PDE4D: variants seen among roughly 807,000 people sequenced by gnomAD.
PDE4D encodes phosphodiesterase 4D.
PDE4D carries 24 observed loss-of-function variants against 87.4 expected under a neutral mutation model. The ratio of observed to expected loss-of-function variants is 0.27; its 90% CI spans 0.20 to 0.39. The LOEUF (loss-of-function observed/expected upper bound fraction) is 0.39. Ranked by LOEUF, PDE4D falls within the 10% of genes least tolerant of loss-of-function variation. The probability of loss-of-function intolerance (pLI) is 1.00; values close to 1 mark genes in which losing one functional copy is unlikely to be tolerated. For missense variants in PDE4D, 714 were observed against 1,041.0 expected (o/e 0.69, Z 4.32); for synonymous variants, 384 against 383.2 (o/e 1.00, Z -0.02).
chr5:60,106,993 A>G (rs894653129), intron 2 of PDE4D, among the ~76,000 whole-genome samples: 2 of 152,106 alleles, frequency 1.3e-5, no homozygotes, highest in Non-Finnish European at 2.9e-5. Flanking sequence ...GCAGAAGGCA[A>G]GAAATAACTA....
At position 59,405,020 on chromosome 5, in the gene PDE4D, C is replaced by G. The variant is rs536086508; in HGVS notation, c.456-189052G>C. ...TTATTTGAAGTCAGGTAATATGATT[C>G]CTCCAGTTTTGTTCTTTTTGCTCAG... On this transcript the variant is annotated intron_variant, in intron 1 of 14. Transcript: ENST00000340635. 1.7e-4 allele frequency among the ~76,000 whole-genome samples: 26 copies of G among 152,244 alleles called. No homozygotes were observed. In the East Asian group the frequency reaches 5.0e-3, roughly 29 times the overall value.
intron 5 of PDE4D, among the ~76,000 whole-genome samples, chr5:59,048,344 T>TATC (rs1761033880): frequency 6.6e-6 from 1 of 152,262 alleles, no homozygotes; most frequent in Admixed American, 6.5e-5. Flanking sequence ...CATCATATAC[T>TATC]ATCAATCTTA....
chr5:60,142,340 C>A (rs1404027826), intron 2 of PDE4D, among the ~76,000 whole-genome samples: 2 of 152,120 alleles, frequency 1.3e-5, no homozygotes, highest in African/African-American at 4.8e-5. Flanking sequence ...ATACTCTTCA[C>A]AAGCAGTCTT....
chr5:59,597,891 T>A (rs2153705388), intron 1 of PDE4D, among the ~76,000 whole-genome samples: 1 of 152,302 alleles, frequency 6.6e-6, no homozygotes, highest in Admixed American at 6.5e-5. Flanking sequence ...TTTAACATTC[T>A]GACTCGAGGG....
At chr5:59,167,301 C>T (rs1451030245) in intron 5 of PDE4D, among the ~76,000 whole-genome samples, 1 of 152,108 alleles carries the variant, frequency 6.6e-6, no homozygotes, top group Non-Finnish European at 1.5e-5. Context: ...AAAACAAAAC[C>T]TACCAATGTT....
chr5:59,576,586 T>C (rs1042901168), intron 1 of PDE4D, among the ~76,000 whole-genome samples: 53 of 152,246 alleles, frequency 3.5e-4, no homozygotes, highest in African/African-American at 1.2e-3. Flanking sequence ...CCATGCTGGG[T>C]ATTGTGGTAT....
At chr5:59,579,159 T>C (rs1452558554) in intron 1 of PDE4D, among the ~76,000 whole-genome samples, 4 of 152,210 alleles carry the variant, frequency 2.6e-5, no homozygotes, top group Non-Finnish European at 4.4e-5. Context: ...GTCAGTTAAG[T>C]TGTTTCTCCT....
intron 5 of PDE4D, among the ~76,000 whole-genome samples, chr5:59,165,646 C>A (rs1338641732): frequency 2.0e-5 from 3 of 152,146 alleles, no homozygotes; most frequent in Non-Finnish European, 4.4e-5. Context: ...GTGCTTACTT[C>A]AAAAGTGAGG....
intron 5 of PDE4D, among the ~76,000 whole-genome samples, chr5:59,087,497 G>C (rs977266514): frequency 6.6e-6 from 1 of 151,782 alleles, no homozygotes; most frequent in Non-Finnish European, 1.5e-5. Context: ...AAATAAATAA[G>C]ACCACAAAGG....
chr5:59,799,040 G>A (rs1432351629), intron 1 of PDE4D, among the ~76,000 whole-genome samples: 1 of 152,118 alleles, frequency 6.6e-6, no homozygotes. Context: ...GAAATAGGGT[G>A]ACCCCAGTTG....
chr5:59,807,687 G>C (rs1767893668), intron 1 of PDE4D, among the ~76,000 whole-genome samples: 1 of 152,228 alleles, frequency 6.6e-6, no homozygotes, highest in Non-Finnish European at 1.5e-5. Flanking sequence ...TGAGGGAGCA[G>C]ATAGAACCGA....
intron 1 of PDE4D, among the ~76,000 whole-genome samples, chr5:60,371,730 G>T (rs868437243): frequency 2.0e-5 from 3 of 152,116 alleles, no homozygotes; most frequent in Admixed American, 1.3e-4. Flanking sequence ...CCAGAGCTCT[G>T]ATTCTAAGCT....
chr5:59,145,293 C>T (rs1178628304), intron 5 of PDE4D, among the ~76,000 whole-genome samples: 5 of 151,996 alleles, frequency 3.3e-5, no homozygotes, highest in Non-Finnish European at 7.4e-5. Flanking sequence ...GAAATTAAAC[C>T]CAGGCTGGCA....
chr5:59,145,874 C>T (rs1314868222), intron 5 of PDE4D, among the ~76,000 whole-genome samples: 1 of 152,136 alleles, frequency 6.6e-6, no homozygotes, highest in East Asian at 1.9e-4. Flanking sequence ...TGCCTGTAAT[C>T]CCAGCACTTT....
At chr5:59,707,504 GTTT>G (rs1391141455) in intron 1 of PDE4D, among the ~76,000 whole-genome samples, 1 of 152,006 alleles carries the variant, frequency 6.6e-6, no homozygotes, top group African/African-American at 2.4e-5. Flanking sequence ...TTTTTTTTAG[GTTT>G]TTATTTTTTT....
chr5:59,740,590 T>C (rs137937195), intron 1 of PDE4D, among the ~76,000 whole-genome samples: 149 of 152,316 alleles, frequency 9.8e-4, no homozygotes, highest in African/African-American at 3.4e-3. Flanking sequence ...TCGGAATTAA[T>C]GATACAAAGA....
intron 5 of PDE4D, among the ~76,000 whole-genome samples, chr5:59,176,973 C>G (rs1335552237): frequency 6.6e-6 from 1 of 152,196 alleles, no homozygotes; most frequent in Non-Finnish European, 1.5e-5. Flanking sequence ...AAGTTTTCCT[C>G]TCATGATCTT....
At chr5:59,043,438 G>A (rs1760032421) in intron 5 of PDE4D, among the ~76,000 whole-genome samples, 1 of 152,148 alleles carries the variant, frequency 6.6e-6, no homozygotes, top group South Asian at 2.1e-4. Context: ...CAGGAGAATG[G>A]CGTGAACCCG....
intron 1 of PDE4D, among the ~76,000 whole-genome samples, chr5:60,516,438 A>G (rs1312286045): frequency 2.0e-5 from 3 of 152,162 alleles, no homozygotes; most frequent in Admixed American, 6.5e-5. Flanking sequence ...TACCCTCAAG[A>G]ACCACCTTAG....
Sources: gnomAD v4.1 joint callset for allele counts (sites outside exome capture counted in the v4.1 genomes callset) on GRCh38, gnomAD v4.1.1 for gene constraint, MANE v1.5 for transcripts, NCBI Gene and HGNC (gene_info 2026-07-23, HGNC 2026-07-21) for gene names.